The following PLCH2 variants were observed in gnomAD, a reference collection of about 807,000 sequenced individuals.
PLCH2 encodes 1-phosphatidylinositol 4,5-bisphosphate phosphodiesterase eta-2.
PLCH2 carries 98 observed loss-of-function variants against 134.7 expected under a neutral mutation model. The observed-to-expected ratio is 0.73, with a 90% CI of 0.62 to 0.86. PLCH2 has a LOEUF of 0.86. PLCH2 is among the 40% of genes least tolerant of loss of function. The pLI is 0.00. For missense variants in PLCH2, 1,994 were observed against 1,986.6 expected, an observed-to-expected ratio of 1.00 and a Z score of -0.07; for synonymous variants, 974 against 827.5, an observed-to-expected ratio of 1.18 and a Z score of -3.04.
chr1:2,416,226 G>A, the PLCH2 span, among the ~76,000 whole-genome samples: 2 of 152,214 alleles, frequency 1.3e-5, no homozygotes, highest in African/African-American at 4.8e-5. Context: ...GACGCAGCAG[G>A]TCGGGGTCCC....
Position 2,504,165 on chromosome 1 carries a change from A to G in PLCH2, c.3203A>G (p.Tyr1068Cys). 1.3e-6 allele frequency: 2 copies of G among 1,529,670 alleles called. No homozygotes were observed. Among genetic ancestry groups the G allele is most frequent in the Non-Finnish European group, 1.8e-6 (2 of 1,140,244 alleles). 94.8% of individuals were successfully genotyped at this position (1,529,670 alleles called of 1,614,324 possible). ...PCNGEGAGGA[Y>C]ERAPGSQTDG... ...AACGGCGAGGGCGCCGGCGGGGCATACGAGAGGGCCCCCGGCAGCCAGACG... is the reference window on the plus strand; with the variant it reads ...AACGGCGAGGGCGCCGGCGGGGCATGCGAGAGGGCCCCCGGCAGCCAGACG... The change falls in exon 22 of 22, where the codon TAC becomes TGC. Residue 1068 changes from tyrosine to cysteine, a missense_variant. Tyr to Cys is a radical substitution (Grantham distance 194, BLOSUM62 -2). Coordinates refer to ENST00000378486, the MANE Select transcript of PLCH2 (RefSeq NM_014638.4).
At chr1:2,467,518 G>C (rs1641119803) in exon 1 of PLCH2, 1 of 397,728 alleles carries the variant, frequency 2.5e-6, no homozygotes, top group African/African-American at 2.1e-5. Context: ...TCTGCGCGCG[G>C]GGTGCCCCTG....
chr1:2,426,943 G>A (rs1381060968), intron 1 of PLCH2, among the ~76,000 whole-genome samples: 2 of 152,212 alleles, frequency 1.3e-5, no homozygotes, highest in Admixed American at 6.5e-5. Flanking sequence ...TGGGAGCAGG[G>A]CCTCACAGAG....
upstream of PLCH2, chr1:2,467,315 G>A (rs1280337350): frequency 8.9e-6 from 3 of 337,680 alleles, no homozygotes; most frequent in Non-Finnish European, 1.6e-5. Flanking sequence ...AGAGACCCCA[G>A]CCCAGGTGTC....
Position 2,504,969 on chromosome 1 carries a change from G to A in PLCH2, c.4007G>A (p.Arg1336Gln), listed in dbSNP as rs374511532. Residue 1336 changes from arginine to glutamine, a missense_variant, in exon 22 of 22, where the codon CGG becomes CAG. Arg to Gln is a conservative substitution (Grantham distance 43). Transcript: ENST00000378486. ...EGVAGGPGFV[R>Q]RSSSRSHSRV... ...GTGGCAGGGGGCCCTGGTTTTGTGC[G>A]GCGCTCCTCCTCCCGCAGCCACAGC... 6.6e-4 allele frequency: 1,019 copies of A among 1,552,852 alleles called. 3 individuals are homozygous for A. The highest frequency in any genetic ancestry group is 5.7e-3 in the Middle Eastern group (33 of 5,812).
chr1:2,438,993 T>G (rs993645292), intron 2 of PLCH2, among the ~76,000 whole-genome samples: 1 of 152,292 alleles, frequency 6.6e-6, no homozygotes, highest in Non-Finnish European at 1.5e-5. Flanking sequence ...GCCACATGGG[T>G]GGCTCCAGGT....
rs774814692 is a variant in PLCH2 at position 2,504,381 on chromosome 1, G to A, written c.3419G>A (p.Arg1140Gln). 3.7e-6 allele frequency: 6 copies of A among 1,612,000 alleles called. No individual in the cohort carries two copies. The South Asian group carries it at 4.4e-5, about 12-fold the overall frequency. The change falls in exon 22 of 22, where the codon CGA (arginine) becomes CAA (glutamine). Residue 1140 changes from arginine to glutamine, a missense_variant. Physicochemically the swap from Arg to Gln is conservative, Grantham distance 43. Coordinates refer to ENST00000378486, the MANE Select transcript of PLCH2 (RefSeq NM_014638.4). ...CAGCGGCTGGAGCCATGTGGCCACC[G>A]AGACAGCGTTTCCTCCTCCTCCAGC... Reference protein sequence around the residue: ...LWQRLEPCGHRDSVSSSSSMS... With the variant: ...LWQRLEPCGHQDSVSSSSSMS...
At chr1:2,497,860 C>A in intron 16 of PLCH2, 1 of 471,984 alleles carries the variant, frequency 2.1e-6, no homozygotes, top group South Asian at 4.2e-5. Flanking sequence ...ACTGGGGAGC[C>A]TGGGCCCCAC....
intron 4 of PLCH2, among the ~76,000 whole-genome samples, chr1:2,484,221 A>G (rs912273369): frequency 4.6e-5 from 7 of 152,072 alleles, no homozygotes; most frequent in South Asian, 2.1e-4. Flanking sequence ...GGTGAAAAGC[A>G]TATGGCTTCA....
chr1:2,435,399 C>T (rs1288352471), intron 2 of PLCH2, among the ~76,000 whole-genome samples: 1 of 152,162 alleles, frequency 6.6e-6, no homozygotes, highest in Non-Finnish European at 1.5e-5. Flanking sequence ...GACCAGCGCT[C>T]TCACACCACC....
In PLCH2 at chr1:2,504,039, CTT is replaced by C. The variant is rs2100750117; in HGVS notation, c.3078_3079del (p.Gln1028GlyfsTer21). On this transcript the variant is annotated frameshift_variant, in exon 22 of 22. Coordinates refer to ENST00000378486, the MANE Select transcript of PLCH2 (RefSeq NM_014638.4). LOFTEE classifies it high-confidence loss of function. The stretch of plus-strand genomic sequence containing the variant: ...CCACCAGCGGCTGTCCCCACCAGCT[CTT>C]CTCAGGGACGGCCCCCATACCCCAC... 6.5e-7 allele frequency: 1 copy of C among 1,544,848 alleles called. No individual in the cohort carries two copies. Among genetic ancestry groups the C allele is most frequent in the Non-Finnish European group, 8.8e-7 (1 of 1,142,828 alleles).
chr1:2,428,806 G>A (rs556297744), intron 1 of PLCH2, among the ~76,000 whole-genome samples: 1 of 152,378 alleles, frequency 6.6e-6, no homozygotes, highest in Non-Finnish European at 1.5e-5. Flanking sequence ...CGGGGAACCC[G>A]GGCTGGGAGA....
upstream of PLCH2, among the ~76,000 whole-genome samples, chr1:2,463,130 C>T (rs1262540234): frequency 2.6e-5 from 4 of 152,288 alleles, no homozygotes; most frequent in East Asian, 1.9e-4. Context: ...GTAATTAGGA[C>T]GTTCTGTGCA....
intron 4 of PLCH2, among the ~76,000 whole-genome samples, chr1:2,483,955 T>C (rs187440317): frequency 0.023 from 318 of 14,048 alleles, 135 homozygotes; most frequent in African/African-American, 0.032. Context: ...TGGCGCTGAC[T>C]CCCGTGTGGG....
chr1:2,464,665 C>T (rs962195738), upstream of PLCH2, among the ~76,000 whole-genome samples: 9 of 152,336 alleles, frequency 5.9e-5, no homozygotes, highest in South Asian at 2.1e-4. Flanking sequence ...GCAGGGAAGC[C>T]GGGGCCTGGG....
chr1:2,479,638 AGCTCCCG>A, intron 2 of PLCH2, 89 bp from the exon 3 acceptor site: 1 of 1,321,244 alleles, frequency 7.6e-7, no homozygotes, highest in South Asian at 1.4e-5. Flanking sequence ...GTGGGCAAGG[AGCTCCCG>A]GCTGCTTGGT....
At chr1:2,456,227 C>T (rs1040849386) in intron 2 of PLCH2, among the ~76,000 whole-genome samples, 1 of 152,162 alleles carries the variant, frequency 6.6e-6, no homozygotes, top group Non-Finnish European at 1.5e-5. Flanking sequence ...TGGGCAGTTT[C>T]TCCCGGGCCT....
chr1:2,440,974 C>T (rs1383303023), intron 2 of PLCH2, among the ~76,000 whole-genome samples: 4 of 152,146 alleles, frequency 2.6e-5, no homozygotes, highest in African/African-American at 4.8e-5. Context: ...TGGCTGTGCC[C>T]GGGTGGTCCT....
At chr1:2,460,881 A>G (rs1201720405) in intron 2 of PLCH2, among the ~76,000 whole-genome samples, 1 of 152,186 alleles carries the variant, frequency 6.6e-6, no homozygotes, top group Non-Finnish European at 1.5e-5. Flanking sequence ...AACACTCCCC[A>G]CCTGCAGGGC....
Sources: allele counts gnomAD v4.1 joint callset (sites outside exome capture counted in the v4.1 genomes callset), GRCh38; gene constraint gnomAD v4.1.1; transcripts MANE v1.5; gene names NCBI Gene and HGNC (gene_info 2026-07-23, HGNC 2026-07-21).